STXBP5: variants seen among roughly 807,000 people sequenced by gnomAD.
STXBP5 encodes syntaxin binding protein 5.
A neutral mutation model predicts 152.4 loss-of-function variants in STXBP5; 50 were observed. The ratio of observed to expected loss-of-function variants is 0.33; its 90% CI spans 0.26 to 0.42. STXBP5 has a LOEUF of 0.42. Ranked by LOEUF, STXBP5 falls within the 10% of genes least tolerant of loss-of-function variation. STXBP5 has a pLI of 1.00. For missense variants in STXBP5, 1,167 were observed against 1,388.6 expected (o/e 0.84, Z 2.54); for synonymous variants, 492 against 494.7 (o/e 0.99, Z 0.07).
chr6:147,289,604 C>A (rs1781173427), intron 8 of STXBP5, among the ~76,000 whole-genome samples: 1 of 151,560 alleles, frequency 6.6e-6, no homozygotes, highest in Admixed American at 6.6e-5. Context: ...TTTTCTAATA[C>A]AAGGAAGATG....
chr6:147,311,189 T>G (rs1156337658), intron 10 of STXBP5, among the ~76,000 whole-genome samples: 1 of 152,208 alleles, frequency 6.6e-6, no homozygotes. Context: ...TTAGTTTTGT[T>G]GTCCATGTGC....
intron 26 of STXBP5, among the ~76,000 whole-genome samples, chr6:147,374,231 CCTT>C (rs1301112701): frequency 6.6e-6 from 1 of 152,186 alleles, no homozygotes; most frequent in African/African-American, 2.4e-5. Flanking sequence ...GTTCATTTAA[CCTT>C]CATCATAAGA....
chr6:147,270,775 A>G (rs962721987), intron 7 of STXBP5, among the ~76,000 whole-genome samples: 3 of 152,194 alleles, frequency 2.0e-5, no homozygotes, highest in Non-Finnish European at 2.9e-5. Context: ...ATCCAAGCCA[A>G]ATATAATAAA....
At chr6:147,210,237 A>G (rs527575871) in intron 2 of STXBP5, among the ~76,000 whole-genome samples, 1 of 152,346 alleles carries the variant, frequency 6.6e-6, no homozygotes, top group African/African-American at 2.4e-5. Context: ...TAATGAGGCA[A>G]TTACAAGCGA....
intron 11 of STXBP5, 56 bp from the exon 12 acceptor site, chr6:147,313,828 A>G: frequency 2.6e-6 from 3 of 1,156,660 alleles, no homozygotes; most frequent in African/African-American, 1.6e-5. Flanking sequence ...TTTTGTATTA[A>G]TCATATGGTA....
At chr6:147,292,288 C>G in intron 9 of STXBP5, 1 of 449,282 alleles carries the variant, frequency 2.2e-6, no homozygotes, top group African/African-American at 2.0e-5. Context: ...CCAACAATAG[C>G]TATATTCCAA....
chr6:147,309,521 A>G (rs1782261598), intron 9 of STXBP5, among the ~76,000 whole-genome samples: 1 of 152,186 alleles, frequency 6.6e-6, no homozygotes, highest in African/African-American at 2.4e-5. Flanking sequence ...AATTAGAATT[A>G]TCAGGCTGGC....
chr6:147,345,843 C>T (rs567045462), intron 21 of STXBP5, among the ~76,000 whole-genome samples: 10 of 152,282 alleles, frequency 6.6e-5, no homozygotes, highest in Admixed American at 3.3e-4. Context: ...ATTTGCATTG[C>T]AGACATAATT....
At chr6:147,274,696 TG>T (rs1486899540) in intron 7 of STXBP5, among the ~76,000 whole-genome samples, 1 of 152,010 alleles carries the variant, frequency 6.6e-6, no homozygotes, top group Admixed American at 6.6e-5. Flanking sequence ...TTGCAAATGT[TG>T]TAATTTTAAA....
intron 23 of STXBP5, 75 bp from the exon 24 acceptor site, chr6:147,363,260 T>C: frequency 7.1e-7 from 1 of 1,412,856 alleles, no homozygotes; most frequent in Non-Finnish European, 9.5e-7. Flanking sequence ...ATCTACTGTA[T>C]GTCAAAGTTA....
intron 26 of STXBP5, among the ~76,000 whole-genome samples, chr6:147,374,905 C>T (rs139152249): frequency 4.6e-5 from 7 of 152,100 alleles, no homozygotes; most frequent in Non-Finnish European, 8.8e-5. Context: ...CACCTCCCCC[C>T]ACCACACACA....
intron 18 of STXBP5, among the ~76,000 whole-genome samples, chr6:147,331,816 A>AC (rs1054258700): frequency 6.6e-6 from 1 of 151,384 alleles, no homozygotes; most frequent in African/African-American, 2.4e-5. Context: ...AAAAAAAAAA[A>AC]AAAAAAAAAA....
At chr6:147,211,769 C>CA (rs1490855985) in intron 2 of STXBP5, among the ~76,000 whole-genome samples, 4 of 152,034 alleles carry the variant, frequency 2.6e-5, no homozygotes, top group African/African-American at 7.2e-5. Flanking sequence ...TTGGCGGAGA[C>CA]AGAGTTTCAC....
intron 6 of STXBP5, 79 bp from the exon 7 acceptor site, chr6:147,267,004 TA>T: frequency 1.8e-6 from 2 of 1,114,880 alleles, no homozygotes; most frequent in Non-Finnish European, 2.7e-6. Context: ...TGAATGATAG[TA>T]GTTATTTTCA....
chr6:147,359,353 A>G (rs1303519229), intron 23 of STXBP5, 30 bp downstream of exon 23: 7 of 1,592,210 alleles, frequency 4.4e-6, no homozygotes, highest in East Asian at 4.5e-5. Context: ...TTAGAGTTAC[A>G]TTACAGGTGT....
chr6:147,320,592 T>TGTGTGA (rs1562485206), intron 16 of STXBP5, among the ~76,000 whole-genome samples: 1 of 151,946 alleles, frequency 6.6e-6, no homozygotes, highest in Non-Finnish European at 1.5e-5. Context: ...TGTGTGTGTG[T>TGTGTGA]GTACACATGC....
chr6:147,231,980 T>G (rs1778029206), intron 2 of STXBP5, among the ~76,000 whole-genome samples: 1 of 151,912 alleles, frequency 6.6e-6, no homozygotes, highest in Non-Finnish European at 1.5e-5. Flanking sequence ...CAGGGAACAT[T>G]TAGTTCTAGC....
intron 16 of STXBP5, among the ~76,000 whole-genome samples, chr6:147,323,807 C>T (rs187249723): frequency 6.6e-6 from 1 of 152,308 alleles, no homozygotes; most frequent in African/African-American, 2.4e-5. Flanking sequence ...GTAATACTCC[C>T]ACTTTCTAGG....
intron 8 of STXBP5, among the ~76,000 whole-genome samples, chr6:147,289,912 C>G (rs1781193353): frequency 1.3e-5 from 2 of 152,148 alleles, no homozygotes; most frequent in Non-Finnish European, 2.9e-5. Flanking sequence ...AAAATGTTCG[C>G]TTTCCTGGCC....
Sources: allele counts gnomAD v4.1 joint callset (sites outside exome capture counted in the v4.1 genomes callset), GRCh38; gene constraint gnomAD v4.1.1; transcripts MANE v1.5; gene names NCBI Gene and HGNC (gene_info 2026-07-23, HGNC 2026-07-21).